Variants in RARB observed in about 807,000 individuals in gnomAD.
The protein encoded by RARB is HBV-activated protein.
Under a neutral mutation model 51.9 loss-of-function variants are expected in RARB, and 17 were observed. The ratio of observed to expected loss-of-function variants is 0.33; its 90% CI spans 0.22 to 0.49. The LOEUF (loss-of-function observed/expected upper bound fraction) is 0.49. Among genes scored for constraint, RARB ranks in the 20% least tolerant of loss-of-function variants. The pLI, the probability that RARB is intolerant of heterozygous loss-of-function variation, is 0.99. For synonymous variants in RARB, 215 were observed against 195.4 expected (o/e 1.10, Z -0.84); for missense variants, 369 against 550.8 (o/e 0.67, Z 3.30).
chr3:25,180,293 A>T lies in RARB; in HGVS notation c.178+5718A>T, dbSNP rs73145395. Among the ~76,000 whole-genome samples the T allele has an allele frequency of 4.5e-3, 688 of 152,336 alleles. 7 individuals are homozygous for T. Among genetic ancestry groups the T allele is most frequent in the African/African-American group, 0.016 (647 of 41,586 alleles). ...AGAATTTGTATTAGAATTCCTTTCG[A>T]TAAAGACATTCCGGTTGTATTTATT... On this transcript the variant is annotated intron_variant, in intron 5 of 11. Coordinates refer to the RARB transcript ENST00000383772.
intron 3 of RARB, among the ~76,000 whole-genome samples, chr3:25,536,066 C>G (rs1699128305): frequency 6.6e-6 from 1 of 152,156 alleles, no homozygotes; most frequent in South Asian, 2.1e-4. Context: ...TTTCCCCATC[C>G]ACTCTCACCT....
At chr3:25,365,340 G>A (rs1706085088) in intron 5 of RARB, among the ~76,000 whole-genome samples, 2 of 150,806 alleles carry the variant, frequency 1.3e-5, no homozygotes, top group African/African-American at 4.9e-5. Context: ...TCAAATTCCT[G>A]GGCTAAAGTG....
intron 1 of RARB, among the ~76,000 whole-genome samples, chr3:25,434,375 T>C (rs1007361642): frequency 6.6e-6 from 1 of 152,174 alleles, no homozygotes; most frequent in African/African-American, 2.4e-5. Flanking sequence ...AGAATAGATA[T>C]TTGTGTTCCA....
At chr3:25,562,157 T>A (rs1244884742) in intron 3 of RARB, among the ~76,000 whole-genome samples, 2 of 152,188 alleles carry the variant, frequency 1.3e-5, no homozygotes, top group East Asian at 3.8e-4. Flanking sequence ...AGCTTGGGCT[T>A]CAGCAGAAGT....
At chr3:24,960,802 C>G (rs1472114064) in intron 2 of RARB, among the ~76,000 whole-genome samples, 3 of 151,488 alleles carry the variant, frequency 2.0e-5, no homozygotes, top group African/African-American at 4.8e-5. Flanking sequence ...TTGACACTTT[C>G]CTTTTTTAAA....
intron 1 of RARB, among the ~76,000 whole-genome samples, chr3:24,856,614 G>GT (rs1702639881): frequency 6.6e-6 from 1 of 152,170 alleles, no homozygotes; most frequent in African/African-American, 2.4e-5. Flanking sequence ...AATGTTCGGT[G>GT]TTTGGGGCCA....
intron 3 of RARB, among the ~76,000 whole-genome samples, chr3:25,081,758 G>T (rs1255847583): frequency 6.9e-6 from 1 of 144,216 alleles, no homozygotes; most frequent in African/African-American, 2.6e-5. Flanking sequence ...TCAGCCTCCT[G>T]AGTAGCTGGG....
chr3:25,434,404 C>T (rs1421771252), intron 1 of RARB, among the ~76,000 whole-genome samples: 1 of 152,174 alleles, frequency 6.6e-6, no homozygotes, highest in East Asian at 1.9e-4. Flanking sequence ...CAATTCACTG[C>T]TGATGTCTCA....
intron 2 of RARB, among the ~76,000 whole-genome samples, chr3:24,945,822 C>G (rs550967408): frequency 6.6e-6 from 1 of 152,322 alleles, no homozygotes; most frequent in South Asian, 2.1e-4. Context: ...GAGGCATCCA[C>G]AGGGCTTAAG....
intron 3 of RARB, among the ~76,000 whole-genome samples, chr3:25,531,007 G>A (rs1030778183): frequency 6.6e-6 from 1 of 152,174 alleles, no homozygotes; most frequent in Non-Finnish European, 1.5e-5. Flanking sequence ...TTTAGTTTGT[G>A]TGTTTGTTTT....
chr3:25,221,941 A>G (rs1211892104), intron 5 of RARB, among the ~76,000 whole-genome samples: 2 of 152,200 alleles, frequency 1.3e-5, no homozygotes, highest in Non-Finnish European at 2.9e-5. Context: ...ACATCTTGAC[A>G]TTACTATTAG....
chr3:24,977,569 T>A (rs182115225), intron 2 of RARB, among the ~76,000 whole-genome samples: 1 of 152,328 alleles, frequency 6.6e-6, no homozygotes, highest in Admixed American at 6.5e-5. Context: ...GTTGGTCTGT[T>A]ATTGGTGTAT....
At chr3:25,199,894 C>T (rs1701347335) in intron 5 of RARB, among the ~76,000 whole-genome samples, 1 of 152,018 alleles carries the variant, frequency 6.6e-6, no homozygotes, top group Admixed American at 6.6e-5. Flanking sequence ...TGAATAGTGC[C>T]ACAATAAACA....
At chr3:25,572,926 A>G (rs1377038862) in intron 4 of RARB, among the ~76,000 whole-genome samples, 3 of 152,028 alleles carry the variant, frequency 2.0e-5, no homozygotes, top group Non-Finnish European at 4.4e-5. Flanking sequence ...GACAAACACA[A>G]CGTACAGCAT....
rs148223082 is a variant in RARB at position 24,998,793 on chromosome 3, A to C, written c.-379-61332A>C. 2.8e-5 allele frequency among the ~76,000 whole-genome samples: 4 copies of C among 144,164 alleles called. No homozygotes were observed. In the East Asian group the frequency reaches 8.4e-4, roughly 30 times the overall value. 94.6% of individuals were successfully genotyped at this position (144,164 alleles called of 152,430 possible). Reference sequence around the variant, plus strand: ...GTCCTAACACCTTTTCAAAAATCCAAATTCCTGTAGATATTGTAATAGTGT... The same window carrying C: ...GTCCTAACACCTTTTCAAAAATCCACATTCCTGTAGATATTGTAATAGTGT... On this transcript the variant is annotated intron_variant, in intron 2 of 11. Transcript: ENST00000383772.
intron 5 of RARB, among the ~76,000 whole-genome samples, chr3:25,360,761 A>G (rs1705907121): frequency 1.3e-5 from 2 of 151,988 alleles, no homozygotes; most frequent in African/African-American, 4.8e-5. Context: ...TGGATATGAA[A>G]CTCTCAGTTG....
chr3:25,072,010 A>G (rs73149157), intron 3 of RARB, among the ~76,000 whole-genome samples: 3 of 152,334 alleles, frequency 2.0e-5, no homozygotes, highest in South Asian at 4.1e-4. Context: ...CACGTGAGGC[A>G]TAGACAGAAA....
rs547812882 is a variant in RARB at position 25,270,207 on chromosome 3, A to C, written c.178+95632A>C. ...TTTACACCAATGTTCATAGCAACTT[A>C]ATAGCCAAAAGTTGGAGTAATCCAA... On this transcript the variant is annotated intron_variant, in intron 5 of 11. Coordinates refer to the RARB transcript ENST00000383772. 3.2e-4 allele frequency among the ~76,000 whole-genome samples: 49 copies of C among 152,374 alleles called. No individual in the cohort carries two copies. In the South Asian group the frequency reaches 9.7e-3, roughly 30 times the overall value.
At chr3:25,277,926 C>G (rs866559769) in intron 5 of RARB, among the ~76,000 whole-genome samples, 2 of 152,200 alleles carry the variant, frequency 1.3e-5, no homozygotes, top group Admixed American at 6.5e-5. Context: ...TTCTGACAGG[C>G]TGCTTTTCTG....
Sources: gnomAD v4.1 joint callset for allele counts (sites outside exome capture counted in the v4.1 genomes callset) on GRCh38, gnomAD v4.1.1 for gene constraint, MANE v1.5 for transcripts, NCBI Gene and HGNC (gene_info 2026-07-23, HGNC 2026-07-21) for gene names.